CIITA: variants seen among roughly 807,000 people sequenced by gnomAD.
CIITA encodes class II major histocompatibility complex transactivator.
CIITA carries 72 observed loss-of-function variants against 115.1 expected under a neutral mutation model. The observed-to-expected ratio is 0.63, with a 90% CI of 0.52 to 0.76. The LOEUF is 0.76. Ranked by LOEUF, CIITA falls within the 30% of genes least tolerant of loss-of-function variation. The pLI is 0.00. For synonymous variants in CIITA, 763 were observed against 635.6 expected, an observed-to-expected ratio of 1.20 and a Z score of -3.02; for missense variants, 1,617 against 1,463.8, an observed-to-expected ratio of 1.10 and a Z score of -1.71.
chr16:10,918,435 C>T lies in CIITA; in HGVS notation c.3063-5C>T, dbSNP rs376311167. On this transcript the variant is annotated splice_region_variant and splice_polypyrimidine_tract_variant and intron_variant, in intron 15 of 19. Coordinates refer to ENST00000324288, the MANE Select transcript of CIITA (RefSeq NM_000246.4). ...TGAGCCCTCCCCCTCACTGTGTCCCCGCAGTCTGTCCCAGAACAACATCAC... is the reference window on the plus strand; with the variant it reads ...TGAGCCCTCCCCCTCACTGTGTCCCTGCAGTCTGTCCCAGAACAACATCAC... 3.1e-6 allele frequency: 5 copies of T among 1,613,904 alleles called. No individual in the cohort carries two copies. The highest frequency in any genetic ancestry group is 4.2e-6 in the Non-Finnish European group (5 of 1,179,886).
rs1434198711 is a variant in CIITA at position 10,924,623 on chromosome 16, G to A, written c.*768G>A. Reference sequence around the variant, plus strand: ...AGAAGACACTGATGGGCAACCCCCAGCCTGCTAATTCCCCAGATTGCAACA... The same window carrying A: ...AGAAGACACTGATGGGCAACCCCCAACCTGCTAATTCCCCAGATTGCAACA... On this transcript the variant is annotated 3_prime_UTR_variant, in exon 20 of 20. Transcript: ENST00000324288. 4 of 152,240 alleles carry A rather than the reference G, an allele frequency of 2.6e-5. No homozygotes were observed. Among genetic ancestry groups the A allele is most frequent in the African/African-American group, 7.2e-5 (3 of 41,464 alleles). The allele number at this position is 152,240 out of a possible 1,614,324, so 9.4% of individuals were successfully genotyped here.
chr16:10,875,546 C>T (rs1418720129), upstream of CIITA, among the ~76,000 whole-genome samples: 1 of 152,178 alleles, frequency 6.6e-6, no homozygotes, highest in Non-Finnish European at 1.5e-5. Context: ...GCATGAGGCA[C>T]ACAAGTCATG....
Position 10,941,637 on chromosome 16 carries a change from C to CT in CIITA, n.764dup. The CT allele has an allele frequency of 6.5e-7, 1 of 1,528,094 alleles. No individual in the cohort carries two copies. Among genetic ancestry groups the CT allele is most frequent in the Non-Finnish European group, 8.8e-7 (1 of 1,137,890 alleles). 94.7% of individuals were successfully genotyped at this position (1,528,094 alleles called of 1,614,324 possible). On this transcript the variant is annotated non_coding_transcript_exon_variant, in exon 2 of 2. Coordinates refer to the CIITA transcript ENST00000573379. The surrounding 1 kb of genome is among the most constrained non-coding windows in gnomAD (Gnocchi z 6.4). Reference sequence around the variant, plus strand: ...CCGTCCAGATGGTGCCCCCAACCAGCTGCGGCGGCATGATCTGGGCGGCTG... The same window carrying CT: ...CCGTCCAGATGGTGCCCCCAACCAGCTTGCGGCGGCATGATCTGGGCGGCTG...
At chr16:10,898,768 C>A in intron 4 of CIITA, 36 bp downstream of exon 4, 1 of 1,610,050 alleles carries the variant, frequency 6.2e-7, no homozygotes, top group Non-Finnish European at 8.5e-7. Context: ...CTTGGCTCAG[C>A]CTGCATTTCC....
chr16:10,919,331 G>A (rs1039862804), intron 16 of CIITA, among the ~76,000 whole-genome samples: 2 of 151,850 alleles, frequency 1.3e-5, no homozygotes, highest in Non-Finnish European at 2.9e-5. Context: ...CGAGTAGCTG[G>A]GATTATAGGC....
rs79836165 is a variant in CIITA, at chr16:10,922,737, C to T, written c.3317+247C>T. Among the ~76,000 whole-genome samples the T allele has an allele frequency of 1.1e-3, 163 of 152,312 alleles. No homozygotes were observed. The East Asian group carries it at 0.028, about 26-fold the overall frequency. ...AAGCTCTTATAACAACAGTAGCTGG[C>T]ACACAAAAATGCCAATAAATGCTAT... On this transcript the variant is annotated intron_variant, in intron 18 of 19. Transcript: ENST00000324288.
rs1402691099 is a variant in CIITA at position 10,920,339 on chromosome 16, C to T, written c.3149+1813C>T. On this transcript the variant is annotated intron_variant, in intron 16 of 19. Transcript: ENST00000324288. This position sits in a 1 kb window ranked among gnomAD's most constrained non-coding sequence, Gnocchi z 4.5. ...CTCAGCTCACTGCAAGCACTGCCTCCTGGGTTCAAGTGATTCTCATGCCTC... is the reference window on the plus strand; with the variant it reads ...CTCAGCTCACTGCAAGCACTGCCTCTTGGGTTCAAGTGATTCTCATGCCTC... Among the ~76,000 whole-genome samples, 1 of 152,202 alleles carries T rather than the reference C, an allele frequency of 6.6e-6. No individual in the cohort carries two copies. The highest frequency in any genetic ancestry group is 1.5e-5 in the Non-Finnish European group (1 of 68,020).
intron 1 of CIITA, among the ~76,000 whole-genome samples, chr16:10,871,201 C>T (rs2035458902): frequency 6.6e-6 from 1 of 152,190 alleles, no homozygotes; most frequent in Non-Finnish European, 1.5e-5. Flanking sequence ...CTCAGGGACA[C>T]CATTCAGTGT....
intron 1 of CIITA, among the ~76,000 whole-genome samples, chr16:10,891,210 G>A (rs2037538595): frequency 1.3e-5 from 2 of 151,984 alleles, no homozygotes; most frequent in African/African-American, 2.4e-5. Context: ...ACAGGACAAG[G>A]GTGATCATTT....
intron 13 of CIITA, among the ~76,000 whole-genome samples, chr16:10,914,538 CA>C (rs2039817980): frequency 2.0e-5 from 3 of 152,174 alleles, no homozygotes; most frequent in Admixed American, 2.0e-4. Context: ...TGAAAAAGTT[CA>C]AAGGACATAA....
intron 1 of CIITA, among the ~76,000 whole-genome samples, chr16:10,867,904 C>T (rs1183349763): frequency 1.3e-5 from 2 of 151,944 alleles, no homozygotes; most frequent in Admixed American, 6.6e-5. Flanking sequence ...TACAGGCATG[C>T]ACCACTATGC....
In CIITA at chr16:10,922,276, G is replaced by A. The variant is rs977277531; in HGVS notation, c.3233+26G>A. On this transcript the variant is annotated intron_variant, in intron 17 of 19. Transcript: ENST00000324288. ...GTGAGTGTGGGAGTCTGGGCGGTGG[G>A]TGGCTCAGCCCGGGGTGGGAGACAC... The A allele has an allele frequency of 4.3e-6, 7 of 1,611,050 alleles. No individual in the cohort carries two copies. In the African/African-American group the frequency reaches 6.7e-5, roughly 15 times the overall value.
In CIITA at chr16:10,906,534, A is replaced by G. The variant is rs568273747; in HGVS notation, c.1042A>G (p.Thr348Ala). Residue 348 changes from threonine to alanine, a missense_variant, in exon 11 of 20, where the codon ACG (threonine) becomes GCG (alanine). Thr to Ala is a moderately conservative substitution (Grantham distance 58). Coordinates refer to ENST00000324288, the MANE Select transcript of CIITA (RefSeq NM_000246.4). ...VEQFYRSLQD[T>A]YGAEPAGPDG... ...GCAGTTCTACCGCTCACTGCAGGAC[A>G]CGTATGGTGCCGAGCCCGCAGGCCC... The G allele has an allele frequency of 3.7e-6, 6 of 1,612,480 alleles. No homozygotes were observed. Among genetic ancestry groups the G allele is most frequent in the South Asian group, 3.3e-5 (3 of 91,020 alleles).
At chr16:10,894,020 T>TA (rs557338674) in intron 1 of CIITA, among the ~76,000 whole-genome samples, 14 of 151,120 alleles carry the variant, frequency 9.3e-5, no homozygotes, top group African/African-American at 1.5e-4. Flanking sequence ...CTTTCTTTCT[T>TA]AAAAAAAAAT....
At chr16:10,922,516 G>A (rs963094050) in intron 18 of CIITA, 26 bp downstream of exon 18, 13 of 1,612,254 alleles carry the variant, frequency 8.1e-6, no homozygotes, top group Admixed American at 1.7e-5. Flanking sequence ...CCTGGTGGGT[G>A]GAGAACAACT....
intron 1 of CIITA, among the ~76,000 whole-genome samples, chr16:10,882,349 A>T (rs1387999903): frequency 6.6e-6 from 1 of 152,198 alleles, no homozygotes; most frequent in Non-Finnish European, 1.5e-5. Flanking sequence ...GCTATTGTAA[A>T]ATCTATGCTG....
At position 10,925,206 on chromosome 16, in the gene CIITA, G is replaced by T. The variant is rs2040482320; in HGVS notation, c.*1351G>T. ...TGTGGGCTAGTTGGGCTTCCTCATA[G>T]TATGGTGGCTGGGTTGGAGGGTGTC... On this transcript the variant is annotated 3_prime_UTR_variant, in exon 20 of 20. Transcript: ENST00000324288. 1 of 152,284 alleles carries T rather than the reference G, an allele frequency of 6.6e-6. No homozygotes were observed. Among genetic ancestry groups the T allele is most frequent in the African/African-American group, 2.4e-5 (1 of 41,454 alleles). The allele number at this position is 152,284 out of a possible 1,614,324, so 9.4% of individuals were successfully genotyped here.
In CIITA at chr16:10,934,914, C is replaced by G. The variant is rs1038061105; in HGVS notation, c.*11059C>G. 1 of 152,234 alleles carries G rather than the reference C, an allele frequency of 6.6e-6. No homozygotes were observed. The highest frequency in any genetic ancestry group is 2.4e-5 in the African/African-American group (1 of 41,458). 9.4% of individuals were successfully genotyped at this position (152,234 alleles called of 1,614,324 possible). ...CAAAGGCTGCCCACACAGACACACCCTCCTTGGTAACCAGTCCTCAGGAGG... is the reference window on the plus strand; with the variant it reads ...CAAAGGCTGCCCACACAGACACACCGTCCTTGGTAACCAGTCCTCAGGAGG... On this transcript the variant is annotated 3_prime_UTR_variant, in exon 20 of 20. Transcript: ENST00000324288. This position sits in a 1 kb window ranked among gnomAD's most constrained non-coding sequence, Gnocchi z 4.2.
chr16:10,876,626 C>T (rs918025114), upstream of CIITA, among the ~76,000 whole-genome samples: 3 of 152,176 alleles, frequency 2.0e-5, no homozygotes, highest in South Asian at 4.1e-4. Context: ...ATCACTTTGG[C>T]GGGTCACCCC....
Sources: gnomAD v4.1 joint callset for allele counts (sites outside exome capture counted in the v4.1 genomes callset) on GRCh38, gnomAD v4.1.1 for gene constraint, Gnocchi (gnomAD v3.1) non-coding constraint, MANE v1.5 for transcripts, NCBI Gene and HGNC (gene_info 2026-07-23, HGNC 2026-07-21) for gene names.